Variants in DIAPH3 observed in about 807,000 individuals in gnomAD.
The protein encoded by DIAPH3 is protein diaphanous homolog 3.
In DIAPH3, 117 loss-of-function variants were observed where a neutral mutation model predicts 144.3. That is an observed-to-expected ratio of 0.81 (90% confidence interval 0.70 to 0.95). DIAPH3 has a LOEUF of 0.95. Among genes scored for constraint, DIAPH3 ranks in the 40% least tolerant of loss-of-function variants. The pLI is 0.00. For missense variants in DIAPH3, 1,421 were observed against 1,412.7 expected, an observed-to-expected ratio of 1.01 and a Z score of -0.09; for synonymous variants, 519 against 488.9, an observed-to-expected ratio of 1.06 and a Z score of -0.81.
At chr13:60,088,290 C>T (rs1170176662) in intron 4 of DIAPH3, among the ~76,000 whole-genome samples, 1 of 152,094 alleles carries the variant, frequency 6.6e-6, no homozygotes, top group Non-Finnish European at 1.5e-5. Flanking sequence ...AAAATTCCCC[C>T]GAAAATCTCT....
At chr13:59,670,676 G>A (rs1294868260) in intron 27 of DIAPH3, among the ~76,000 whole-genome samples, 1 of 150,208 alleles carries the variant, frequency 6.7e-6, no homozygotes, top group Non-Finnish European at 1.5e-5. Context: ...TCCACCTCCC[G>A]GGTTCACGCC....
chr13:59,826,682 T>C (rs1230683690), intron 24 of DIAPH3, among the ~76,000 whole-genome samples: 1 of 151,802 alleles, frequency 6.6e-6, no homozygotes, highest in Non-Finnish European at 1.5e-5. Context: ...AAAAAACTAC[T>C]TTAAAGTTCA....
intron 3 of DIAPH3, among the ~76,000 whole-genome samples, chr13:60,097,311 T>C (rs541072241): frequency 6.6e-6 from 1 of 152,176 alleles, no homozygotes; most frequent in Non-Finnish European, 1.5e-5. Flanking sequence ...CCCTCATGAA[T>C]AGATTAATGA....
chr13:59,720,564 T>G (rs1672219158), intron 27 of DIAPH3, among the ~76,000 whole-genome samples: 1 of 152,160 alleles, frequency 6.6e-6, no homozygotes, highest in African/African-American at 2.4e-5. Context: ...GTGATCACCT[T>G]TGCAACTAGA....
At chr13:59,926,930 C>T (rs2047779522) in intron 17 of DIAPH3, among the ~76,000 whole-genome samples, 1 of 152,140 alleles carries the variant, frequency 6.6e-6, no homozygotes, top group South Asian at 2.1e-4. Context: ...GTTAAATTCT[C>T]CAACTACAAC....
intron 25 of DIAPH3, among the ~76,000 whole-genome samples, chr13:59,788,753 T>A (rs1392372507): frequency 6.6e-6 from 1 of 152,112 alleles, no homozygotes; most frequent in Non-Finnish European, 1.5e-5. Flanking sequence ...ATAAACCAAG[T>A]CCTTATTTTA....
At chr13:60,047,195 C>T (rs543491233) in intron 4 of DIAPH3, among the ~76,000 whole-genome samples, 51 of 151,410 alleles carry the variant, frequency 3.4e-4, no homozygotes, top group South Asian at 2.1e-3. Flanking sequence ...GGACAACCTA[C>T]AAAAATAAAC....
chr13:59,971,911 C>T (rs1372052364), intron 15 of DIAPH3, among the ~76,000 whole-genome samples: 2 of 152,130 alleles, frequency 1.3e-5, no homozygotes, highest in African/African-American at 2.4e-5. Context: ...CTAACAGGTC[C>T]CTTCCTTGGG....
At chr13:60,022,719 G>A (rs977511439) in intron 5 of DIAPH3, among the ~76,000 whole-genome samples, 2 of 152,018 alleles carry the variant, frequency 1.3e-5, no homozygotes, top group African/African-American at 2.4e-5. Context: ...TAATTACACT[G>A]CAATGACTCT....
At chr13:59,991,875 T>C (rs375049864) in intron 11 of DIAPH3, among the ~76,000 whole-genome samples, 193 bp downstream of exon 11, 1 of 152,044 alleles carries the variant, frequency 6.6e-6, no homozygotes, top group Non-Finnish European at 1.5e-5. Context: ...CATTTGTTAG[T>C]TGCAGCATAC....
intron 13 of DIAPH3, among the ~76,000 whole-genome samples, chr13:59,983,167 G>C (rs1168792787): frequency 9.3e-6 from 1 of 107,426 alleles, no homozygotes; most frequent in African/African-American, 3.6e-5. Flanking sequence ...AAACTCTCAA[G>C]TTATAGAAGC....
chr13:59,859,753 GTTA>G (rs553838296), intron 22 of DIAPH3, among the ~76,000 whole-genome samples: 333 of 152,188 alleles, frequency 2.2e-3, no homozygotes, highest in African/African-American at 7.5e-3. Context: ...TGAGGTAAAA[GTTA>G]TTTTGAATAT....
intron 5 of DIAPH3, among the ~76,000 whole-genome samples, chr13:60,024,468 C>A (rs2141047829): frequency 6.6e-6 from 1 of 152,234 alleles, no homozygotes; most frequent in Middle Eastern, 3.4e-3. Context: ...GAAATAGTTT[C>A]CTGTATTTCT....
intron 21 of DIAPH3, among the ~76,000 whole-genome samples, chr13:59,869,761 C>T (rs1213064234): frequency 1.3e-5 from 2 of 152,150 alleles, no homozygotes; most frequent in Non-Finnish European, 2.9e-5. Flanking sequence ...CCTTCAATAT[C>T]TTTTCATACA....
intron 21 of DIAPH3, among the ~76,000 whole-genome samples, chr13:59,871,889 A>C (rs546770222): frequency 1.3e-5 from 2 of 152,302 alleles, no homozygotes; most frequent in South Asian, 4.1e-4. Flanking sequence ...TGTGTTAATA[A>C]TATTCTTCCG....
chr13:59,954,400 C>G (rs570678343), intron 17 of DIAPH3, among the ~76,000 whole-genome samples: 2 of 152,022 alleles, frequency 1.3e-5, no homozygotes, highest in African/African-American at 2.4e-5. Flanking sequence ...GCCTTATAAC[C>G]CCAATATAAT....
intron 4 of DIAPH3, among the ~76,000 whole-genome samples, chr13:60,081,793 T>C (rs966039990): frequency 3.3e-5 from 5 of 151,976 alleles, no homozygotes; most frequent in East Asian, 1.9e-4. Flanking sequence ...GAGATATCCA[T>C]TGGACATCTC....
chr13:59,919,071 T>A (rs1434476449), intron 18 of DIAPH3, among the ~76,000 whole-genome samples: 6 of 151,256 alleles, frequency 4.0e-5, no homozygotes, highest in Non-Finnish European at 8.8e-5. Flanking sequence ...GTACAAGTGA[T>A]CAAGCAGAAG....
rs145349426 is a variant in DIAPH3, at chr13:59,916,774, A to T, written c.2171-525T>A. Among the ~76,000 whole-genome samples the T allele has an allele frequency of 3.7e-3, 568 of 152,286 alleles. 2 individuals are homozygous for T. Among genetic ancestry groups the T allele is most frequent in the African/African-American group, 0.012 (502 of 41,576 alleles). Reference sequence around the variant, plus strand: ...GCACTTCACTATTCAGAAACATTGTAAACAGTATGCTAGGGAAACCTTCAC... The same window carrying T: ...GCACTTCACTATTCAGAAACATTGTTAACAGTATGCTAGGGAAACCTTCAC... On this transcript the variant is annotated intron_variant, in intron 18 of 27. Transcript: ENST00000400324.
Sources: allele counts gnomAD v4.1 joint callset (sites outside exome capture counted in the v4.1 genomes callset), GRCh38; gene constraint gnomAD v4.1.1; transcripts MANE v1.5; gene names NCBI Gene and HGNC (gene_info 2026-07-23, HGNC 2026-07-21).